ACOX3: variants seen among roughly 807,000 people sequenced by gnomAD.
The protein encoded by ACOX3 is peroxisomal acyl-coenzyme A oxidase 3.
A neutral mutation model predicts 81.5 loss-of-function variants in ACOX3; 73 were observed. That is an observed-to-expected ratio of 0.90 (90% CI 0.74 to 1.09). ACOX3 has a LOEUF of 1.09. Among genes scored for constraint, ACOX3 ranks in the 50% least tolerant of loss-of-function variants. The pLI is 0.00. For missense variants in ACOX3, 947 were observed against 928.0 expected, an observed-to-expected ratio of 1.02 and a Z score of -0.27; for synonymous variants, 387 against 375.1, an observed-to-expected ratio of 1.03 and a Z score of -0.37.
chr4:8,362,875 A>G (rs1370935495), downstream of ACOX3, among the ~76,000 whole-genome samples: 2 of 152,246 alleles, frequency 1.3e-5, no homozygotes, highest in Non-Finnish European at 2.9e-5. Flanking sequence ...ATTTAAAAAG[A>G]GCTTATGTGA....
chr4:8,398,936 T>G (rs750598729), intron 8 of ACOX3, among the ~76,000 whole-genome samples: 2 of 152,228 alleles, frequency 1.3e-5, no homozygotes, highest in African/African-American at 4.8e-5. Flanking sequence ...CAGCTCCTGG[T>G]CTCGTGTTGC....
chr4:8,435,984 C>G (rs1057487145), intron 1 of ACOX3, among the ~76,000 whole-genome samples: 7 of 152,134 alleles, frequency 4.6e-5, no homozygotes. Context: ...GTCAAGTGGG[C>G]CCTCTCAGAT....
At chr4:8,439,857 C>G (rs1724493955) in intron 1 of ACOX3, among the ~76,000 whole-genome samples, 1 of 152,214 alleles carries the variant, frequency 6.6e-6, no homozygotes, top group Non-Finnish European at 1.5e-5. Flanking sequence ...GAGACCACTA[C>G]TACTCCTGCT....
chr4:8,412,838 T>G (rs1014415966), intron 5 of ACOX3, among the ~76,000 whole-genome samples: 1 of 143,546 alleles, frequency 7.0e-6, no homozygotes, highest in Non-Finnish European at 1.5e-5. Context: ...ACAGCACTGA[T>G]AGCCCTAGGG....
intron 3 of ACOX3, among the ~76,000 whole-genome samples, chr4:8,415,294 C>A (rs1377328583): frequency 6.6e-6 from 1 of 152,178 alleles, no homozygotes; most frequent in Admixed American, 6.5e-5. Flanking sequence ...GCCCACCAGC[C>A]CATCAAACAA....
At position 8,391,562 on chromosome 4, in the gene ACOX3, C is replaced by G. The variant is rs79941995; in HGVS notation, c.1300+771G>C. On this transcript the variant is annotated intron_variant, in intron 11 of 17. Transcript: ENST00000356406. ...TTTTGCAGGTAAGCTGTAAATAATG[C>G]TGATGATAATTCTAATAATAACAGC... 1.1e-4 allele frequency among the ~76,000 whole-genome samples: 16 copies of G among 152,298 alleles called. No individual in the cohort carries two copies. In the East Asian group the frequency reaches 3.1e-3, roughly 29 times the overall value.
At chr4:8,402,050 G>A (rs112987641) in intron 7 of ACOX3, among the ~76,000 whole-genome samples, 1,560 of 152,346 alleles carry the variant, frequency 0.01, 29 homozygotes, top group African/African-American at 0.036. Flanking sequence ...GGACGGGCAC[G>A]TAAGTGGCAT....
At position 8,423,155 on chromosome 4, in the gene ACOX3, C is replaced by T. The variant is rs1723126129; in HGVS notation, c.-14-6620G>A. ...CAGATCTGTCACTACCCGAGGGGTC[C>T]TAGGATAGGCAGTCACTAGATACTT... is the stretch of plus-strand genomic sequence containing the variant. On this transcript the variant is annotated intron_variant, in intron 1 of 17. Coordinates refer to ENST00000356406, the MANE Select transcript of ACOX3 (RefSeq NM_003501.3). The surrounding 1 kb of genome is among the most constrained non-coding windows in gnomAD (Gnocchi z 4.2). Among the ~76,000 whole-genome samples, 1 of 152,154 alleles carries T rather than the reference C, an allele frequency of 6.6e-6. No individual in the cohort carries two copies. The highest frequency in any genetic ancestry group is 2.1e-4 in the South Asian group (1 of 4,832).
In ACOX3 at chr4:8,389,361, C is replaced by G. The variant is rs1718691075; in HGVS notation, c.1424-75G>C. The G allele has an allele frequency of 2.7e-6, 4 of 1,462,358 alleles. No homozygotes were observed. Among genetic ancestry groups the G allele is most frequent in the Non-Finnish European group, 3.7e-6 (4 of 1,067,212 alleles). 90.6% of individuals were successfully genotyped at this position (1,462,358 alleles called of 1,614,324 possible). A position where few individuals can be genotyped will look rare whatever the true frequency, so the allele number is the denominator to read the frequency against. ...TTGGGAACCCCAAGCTGGGGGCACC[C>G]CAAAGCACAGAGAGTGTCCAGAGGA... On this transcript the variant is annotated intron_variant, in intron 12 of 17. Coordinates refer to ENST00000356406, the MANE Select transcript of ACOX3 (RefSeq NM_003501.3). This position sits in a 1 kb window ranked among gnomAD's most constrained non-coding sequence, Gnocchi z 5.3.
At chr4:8,376,748 C>T (rs1458495680) in intron 14 of ACOX3, among the ~76,000 whole-genome samples, 1 of 152,172 alleles carries the variant, frequency 6.6e-6, no homozygotes, top group African/African-American at 2.4e-5. Flanking sequence ...TTCCTGCCCT[C>T]TTCTGATCTC....
intron 11 of ACOX3, among the ~76,000 whole-genome samples, chr4:8,391,642 C>T (rs1184346573): frequency 1.3e-5 from 2 of 152,244 alleles, no homozygotes; most frequent in South Asian, 2.1e-4. Flanking sequence ...ACCATGCTTA[C>T]ACTTCATACG....
chr4:8,361,494 G>A (rs115501486), downstream of ACOX3, among the ~76,000 whole-genome samples: 944 of 142,018 alleles, frequency 6.6e-3, 10 homozygotes, highest in African/African-American at 0.024. Flanking sequence ...GAAGGTTTAC[G>A]CAAGTTGTGG....
In ACOX3 at chr4:8,423,133, A is replaced by C. The variant is rs1723124210; in HGVS notation, c.-14-6598T>G. 6.6e-6 allele frequency among the ~76,000 whole-genome samples: 1 copy of C among 152,126 alleles called. No homozygotes were observed. Among genetic ancestry groups the C allele is most frequent in the Non-Finnish European group, 1.5e-5 (1 of 68,026 alleles). On this transcript the variant is annotated intron_variant, in intron 1 of 17. Coordinates refer to ENST00000356406, the MANE Select transcript of ACOX3 (RefSeq NM_003501.3). This position sits in a 1 kb window ranked among gnomAD's most constrained non-coding sequence, Gnocchi z 4.2. The stretch of plus-strand genomic sequence containing the variant: ...CTGGTCCTGGACAACCGTCCTCCAG[A>C]TCTGTCACTACCCGAGGGGTCCTAG...
chr4:8,356,323 G>T, the ACOX3 span: 1 of 358,456 alleles, frequency 2.8e-6, no homozygotes, highest in Non-Finnish European at 5.5e-6. Flanking sequence ...CTCCCACACT[G>T]CTGGTATAAG....
chr4:8,392,522 CAATAG>C (rs928875177), intron 10 of ACOX3, 69 bp from the exon 11 acceptor site: 71 of 1,435,152 alleles, frequency 4.9e-5, no homozygotes, highest in Admixed American at 2.6e-4. Context: ...CATAAGTCAG[CAATAG>C]CATCAAACCA....
At chr4:8,356,428 C>T in the ACOX3 span, 2 of 413,654 alleles carry the variant, frequency 4.8e-6, no homozygotes, top group Non-Finnish European at 9.8e-6. Flanking sequence ...GGAGCAGAAG[C>T]CTTGATCTCT....
intron 13 of ACOX3, among the ~76,000 whole-genome samples, chr4:8,388,033 G>T (rs566488902): frequency 6.6e-6 from 1 of 152,160 alleles, no homozygotes; most frequent in Admixed American, 6.5e-5. Context: ...GGCCTCTTGC[G>T]CTCACCTCCC....
In ACOX3 at chr4:8,372,338, G is replaced by A. The variant is rs1463586006; in HGVS notation, c.1896+1223C>T. ...TGGTCTCGAACTCCTGGCCTCCAGT[G>A]ATCCTCCTGCCTTGGCCTCCCAAAG... On this transcript the variant is annotated intron_variant, in intron 16 of 17. Transcript: ENST00000356406. 3.9e-5 allele frequency among the ~76,000 whole-genome samples: 6 copies of A among 152,134 alleles called. No homozygotes were observed. In the East Asian group the frequency reaches 9.6e-4, roughly 24 times the overall value.
At chr4:8,435,562 G>C (rs764484760) in intron 1 of ACOX3, among the ~76,000 whole-genome samples, 2 of 152,106 alleles carry the variant, frequency 1.3e-5, no homozygotes, top group Non-Finnish European at 2.9e-5. Flanking sequence ...AGGAACTACA[G>C]ACAGGGAACA....
Sources: gnomAD v4.1 joint callset for allele counts (sites outside exome capture counted in the v4.1 genomes callset) on GRCh38, gnomAD v4.1.1 for gene constraint, Gnocchi (gnomAD v3.1) non-coding constraint, MANE v1.5 for transcripts, NCBI Gene and HGNC (gene_info 2026-07-23, HGNC 2026-07-21) for gene names.